SMYD3: variants seen among roughly 807,000 people sequenced by gnomAD.
The protein encoded by SMYD3 is SET and MYND domain containing 3, also known as histone-lysine N-methyltransferase SMYD3.
SMYD3 carries 36 observed loss-of-function variants against 57.7 expected under a neutral mutation model. That is an observed-to-expected ratio of 0.62 (90% CI 0.48 to 0.82). SMYD3 has a LOEUF of 0.82. SMYD3 is among the 40% of genes least tolerant of loss of function. SMYD3 has a pLI of 0.00. For missense variants in SMYD3, 515 were observed against 538.8 expected (o/e 0.96, Z 0.44); for synonymous variants, 211 against 195.0 (o/e 1.08, Z -0.68).
At chr1:246,393,761 T>TA (rs2066609984) in intron 1 of SMYD3, among the ~76,000 whole-genome samples, 3 of 149,894 alleles carry the variant, frequency 2.0e-5, no homozygotes, top group Non-Finnish European at 4.4e-5. Flanking sequence ...GAGGCTGAGG[T>TA]AGGAGGACTG....
chr1:246,110,675 T>C (rs964460733), intron 5 of SMYD3, among the ~76,000 whole-genome samples: 4 of 152,238 alleles, frequency 2.6e-5, no homozygotes, highest in Admixed American at 2.0e-4. Flanking sequence ...AGGGCAATTA[T>C]ACCTTTTAAA....
intron 5 of SMYD3, among the ~76,000 whole-genome samples, chr1:246,221,012 G>T (rs1046587130): frequency 2.0e-5 from 3 of 151,902 alleles, no homozygotes; most frequent in African/African-American, 4.8e-5. Context: ...ACGACCAGCT[G>T]CAGAGAGGAG....
chr1:245,940,137 C>A (rs1460423172), intron 5 of SMYD3, among the ~76,000 whole-genome samples: 2 of 152,180 alleles, frequency 1.3e-5, no homozygotes, highest in Non-Finnish European at 2.9e-5. Context: ...TCTGATCTCC[C>A]CGGGACACAG....
At chr1:246,148,272 C>G (rs1244628871) in intron 5 of SMYD3, among the ~76,000 whole-genome samples, 1 of 152,166 alleles carries the variant, frequency 6.6e-6, no homozygotes, top group East Asian at 1.9e-4. Flanking sequence ...GAACCAGCTA[C>G]AGAGAGGAGC....
Position 245,964,188 on chromosome 1 carries a change from G to C in SMYD3, c.532-34251C>G, listed in dbSNP as rs546928688. Among the ~76,000 whole-genome samples the C allele has an allele frequency of 1.7e-4, 26 of 152,214 alleles. No homozygotes were observed. The South Asian group carries it at 5.0e-3, about 29-fold the overall frequency. The stretch of plus-strand genomic sequence containing the variant: ...GCCAGACTCTTAACAACCAGCTCTT[G>C]TGTGAACTAACAGAGCAAGAACCTG... On this transcript the variant is annotated intron_variant, in intron 5 of 11. Transcript: ENST00000490107.
chr1:246,496,257 ATC>A lies in SMYD3; in HGVS notation c.164+10795_164+10796del, dbSNP rs2068359368. Among the ~76,000 whole-genome samples, 3 of 151,722 alleles carry A rather than the reference ATC, an allele frequency of 2.0e-5. No homozygotes were observed. The South Asian group carries it at 6.3e-4, about 32-fold the overall frequency. On this transcript the variant is annotated intron_variant, in intron 1 of 11. Coordinates refer to ENST00000490107, the MANE Select transcript of SMYD3 (RefSeq NM_001167740.2). ...CACCATGTTGGCCAGGATGGTCTCT[ATC>A]TCTTGACCTCGTGATCTGCCCGTCT...
intron 8 of SMYD3, among the ~76,000 whole-genome samples, chr1:245,875,145 G>C (rs1352890006): frequency 6.6e-6 from 1 of 152,250 alleles, no homozygotes. Flanking sequence ...CTCTCAGCCA[G>C]AGGACCTCTT....
chr1:245,895,513 A>T (rs1371606305), intron 8 of SMYD3, among the ~76,000 whole-genome samples: 1 of 152,018 alleles, frequency 6.6e-6, no homozygotes, highest in Non-Finnish European at 1.5e-5. Context: ...AGCAGAAAAA[A>T]TCTTGGTTTC....
intron 5 of SMYD3, among the ~76,000 whole-genome samples, chr1:245,988,144 C>T (rs1183918316): frequency 1.3e-5 from 2 of 150,816 alleles, no homozygotes; most frequent in Non-Finnish European, 3.0e-5. Context: ...ACACACACCG[C>T]CACCCACAAA....
At chr1:245,982,532 G>T (rs2058619799) in intron 5 of SMYD3, among the ~76,000 whole-genome samples, 2 of 152,074 alleles carry the variant, frequency 1.3e-5, no homozygotes, top group South Asian at 2.1e-4. Context: ...AATAGTAAAG[G>T]CTCACTTATA....
At chr1:245,781,141 G>T (rs2046812103) in intron 10 of SMYD3, among the ~76,000 whole-genome samples, 6 of 152,168 alleles carry the variant, frequency 3.9e-5, no homozygotes. Flanking sequence ...GGAGATACTA[G>T]AAATATTCTA....
chr1:246,502,753 T>A (rs922272689), intron 1 of SMYD3, among the ~76,000 whole-genome samples: 1 of 152,122 alleles, frequency 6.6e-6, no homozygotes, highest in Non-Finnish European at 1.5e-5. Context: ...GGTAATCAGG[T>A]CCTATGGCTG....
chr1:246,037,981 T>C (rs1056649567), intron 5 of SMYD3, among the ~76,000 whole-genome samples: 1 of 152,186 alleles, frequency 6.6e-6, no homozygotes, highest in Non-Finnish European at 1.5e-5. Flanking sequence ...TCTGCCACCA[T>C]AGGGTGAAAG....
intron 5 of SMYD3, among the ~76,000 whole-genome samples, chr1:246,195,629 A>G (rs892509507): frequency 1.3e-5 from 2 of 152,178 alleles, no homozygotes; most frequent in African/African-American, 4.8e-5. Flanking sequence ...ACACACACAC[A>G]CACGCACTGA....
At chr1:246,426,250 G>C (rs546653829) in intron 1 of SMYD3, 1 of 152,100 alleles carries the variant, frequency 6.6e-6, no homozygotes, top group African/African-American at 2.4e-5. Context: ...ACTTTATTGA[G>C]AAATCATTTA....
chr1:245,923,208 T>C (rs2056110921), intron 7 of SMYD3, among the ~76,000 whole-genome samples: 1 of 152,228 alleles, frequency 6.6e-6, no homozygotes, highest in East Asian at 1.9e-4. Flanking sequence ...GGGGTTAGAA[T>C]TGGGTGGGGT....
chr1:246,101,670 T>G (rs1244978415), intron 5 of SMYD3, among the ~76,000 whole-genome samples: 1 of 152,274 alleles, frequency 6.6e-6, no homozygotes, highest in African/African-American at 2.4e-5. Context: ...AGGTTCTTGT[T>G]CTCAAGTTAT....
chr1:245,911,224 G>A (rs2054953045), intron 8 of SMYD3, among the ~76,000 whole-genome samples: 1 of 152,078 alleles, frequency 6.6e-6, no homozygotes, highest in Admixed American at 6.6e-5. Flanking sequence ...AACAAATGCT[G>A]GCAAGGATGT....
At chr1:246,009,798 G>A (rs2059245133) in intron 5 of SMYD3, among the ~76,000 whole-genome samples, 1 of 121,680 alleles carries the variant, frequency 8.2e-6, no homozygotes, top group Non-Finnish European at 1.7e-5. Context: ...GTTGTCTCAT[G>A]TAAGATCTTT....
Sources: gnomAD v4.1 joint callset for allele counts (sites outside exome capture counted in the v4.1 genomes callset) on GRCh38, gnomAD v4.1.1 for gene constraint, MANE v1.5 for transcripts, NCBI Gene and HGNC (gene_info 2026-07-23, HGNC 2026-07-21) for gene names.